Variants in HIVEP3 observed in about 807,000 individuals in gnomAD.
HIVEP3 encodes HIVEP zinc finger 3, also known as transcription factor HIVEP3.
HIVEP3 carries 49 observed loss-of-function variants against 152.8 expected under a neutral mutation model. The ratio of observed to expected loss-of-function variants is 0.32; its 90% CI spans 0.26 to 0.41. The LOEUF (loss-of-function observed/expected upper bound fraction) is 0.41, where lower values mean the gene tolerates loss of function less well. HIVEP3 is among the 10% of genes least tolerant of loss of function. HIVEP3 has a pLI of 1.00. For missense variants in HIVEP3, 2,790 were observed against 3,103.3 expected (o/e 0.90, Z 2.40); for synonymous variants, 1,269 against 1,289.0 (o/e 0.98, Z 0.33).
chr1:41,881,236 C>T (rs916602876), intron 1 of HIVEP3, among the ~76,000 whole-genome samples: 4 of 152,178 alleles, frequency 2.6e-5, no homozygotes, highest in African/African-American at 9.7e-5. Context: ...TACTTTTGTG[C>T]TGACTGCTTT....
intron 1 of HIVEP3, chr1:41,847,241 G>A (rs1643468376): frequency 6.6e-6 from 1 of 152,170 alleles, no homozygotes; most frequent in Non-Finnish European, 1.5e-5. Context: ...AGAAAAGTTG[G>A]AAACAACCTA....
intron 1 of HIVEP3, among the ~76,000 whole-genome samples, chr1:41,871,268 C>A (rs1489426875): frequency 6.6e-6 from 1 of 152,220 alleles, no homozygotes; most frequent in Admixed American, 6.5e-5. Flanking sequence ...CCAGGTCAAA[C>A]AAACCCTCAA....
Position 41,628,379 on chromosome 1 carries a change from A to G in HIVEP3, c.-522+370T>C, listed in dbSNP as rs375959791. Among the ~76,000 whole-genome samples the G allele has an allele frequency of 2.2e-3, 335 of 152,310 alleles. 12 individuals are homozygous for G. The South Asian group carries it at 0.05, about 23-fold the overall frequency. On this transcript the variant is annotated intron_variant, in intron 3 of 8. Transcript: ENST00000372583. ...AGGAGAAGAGGGTAGACCTCTGGCTATCAGGAGCACACAGTTGGACTGGCT... is the reference window on the plus strand; with the variant it reads ...AGGAGAAGAGGGTAGACCTCTGGCTGTCAGGAGCACACAGTTGGACTGGCT...
chr1:41,708,851 C>T (rs1223714317), intron 1 of HIVEP3, among the ~76,000 whole-genome samples: 2 of 152,192 alleles, frequency 1.3e-5, no homozygotes, highest in African/African-American at 4.8e-5. Context: ...TGTCATCCCC[C>T]ATGTCTTCTC....
chr1:41,684,069 A>G (rs1646080073), intron 2 of HIVEP3, among the ~76,000 whole-genome samples: 1 of 152,206 alleles, frequency 6.6e-6, no homozygotes, highest in Non-Finnish European at 1.5e-5. Context: ...CTTGAGATCA[A>G]GTCTGCTCTT....
At chr1:41,995,607 C>T (rs950798561) in intron 1 of HIVEP3, among the ~76,000 whole-genome samples, 6 of 152,040 alleles carry the variant, frequency 3.9e-5, no homozygotes, top group Non-Finnish European at 8.8e-5. Flanking sequence ...TCTAAATTAA[C>T]ACTATTTGCA....
chr1:41,612,828 C>T (rs1052250965), intron 3 of HIVEP3, among the ~76,000 whole-genome samples: 2 of 152,230 alleles, frequency 1.3e-5, no homozygotes, highest in African/African-American at 2.4e-5. Context: ...CTGTCCCCTC[C>T]CTTCATCTTT....
At chr1:41,548,113 C>T (rs1643848442) in intron 5 of HIVEP3, among the ~76,000 whole-genome samples, 1 of 152,198 alleles carries the variant, frequency 6.6e-6, no homozygotes, top group Non-Finnish European at 1.5e-5. Context: ...CTTTCTGAGC[C>T]TTCTGTGACC....
chr1:41,685,216 T>C (rs140787328), intron 2 of HIVEP3, among the ~76,000 whole-genome samples: 1 of 152,300 alleles, frequency 6.6e-6, no homozygotes, highest in East Asian at 1.9e-4. Flanking sequence ...AAGGTGCTAC[T>C]CCCCCAAACA....
chr1:41,699,086 G>A (rs904695640), intron 2 of HIVEP3, among the ~76,000 whole-genome samples: 1 of 152,202 alleles, frequency 6.6e-6, no homozygotes, highest in Non-Finnish European at 1.5e-5. Flanking sequence ...GTGGCTCTAG[G>A]CCAGCCCTGC....
chr1:41,558,106 G>A (rs1352742791), intron 5 of HIVEP3, among the ~76,000 whole-genome samples: 1 of 152,200 alleles, frequency 6.6e-6, no homozygotes, highest in Non-Finnish European at 1.5e-5. Flanking sequence ...TCTTTCCTGG[G>A]CCCCCATTTC....
intron 1 of HIVEP3, among the ~76,000 whole-genome samples, chr1:41,792,932 A>C (rs1402333659): frequency 6.6e-6 from 1 of 152,196 alleles, no homozygotes; most frequent in Non-Finnish European, 1.5e-5. Flanking sequence ...CTTCAAGGGC[A>C]ATGGGATGAA....
At chr1:42,014,271 A>T (rs1170324337) in intron 1 of HIVEP3, among the ~76,000 whole-genome samples, 1 of 152,110 alleles carries the variant, frequency 6.6e-6, no homozygotes, top group Non-Finnish European at 1.5e-5. Context: ...ATACAGCTGC[A>T]TTTAAGCAAG....
chr1:41,921,914 A>G (rs1010687523), upstream of HIVEP3, among the ~76,000 whole-genome samples: 4 of 151,150 alleles, frequency 2.6e-5, no homozygotes, highest in East Asian at 1.9e-4. Context: ...AAAAGTGCGC[A>G]CACACACACA....
intron 1 of HIVEP3, among the ~76,000 whole-genome samples, chr1:41,973,346 C>T (rs2124505434): frequency 6.6e-6 from 1 of 152,318 alleles, no homozygotes; most frequent in South Asian, 2.1e-4. Context: ...CTCACAAGGC[C>T]TTACCCAAGA....
At chr1:41,888,898 C>A (rs1412152714) in intron 1 of HIVEP3, among the ~76,000 whole-genome samples, 1 of 147,304 alleles carries the variant, frequency 6.8e-6, no homozygotes, top group Non-Finnish European at 1.5e-5. Context: ...ATACCCCACA[C>A]ACGTACACCA....
intron 1 of HIVEP3, among the ~76,000 whole-genome samples, chr1:41,750,703 C>CT (rs11403164): frequency 0.82 from 119,870 of 146,138 alleles, 52,970 homozygotes; most frequent in Non-Finnish European, 0.99. Flanking sequence ...GCCCAGTGCA[C>CT]TTTTTTTTTT....
intron 1 of HIVEP3, among the ~76,000 whole-genome samples, chr1:41,757,826 G>T (rs1467421476): frequency 6.6e-6 from 1 of 151,886 alleles, no homozygotes; most frequent in East Asian, 1.9e-4. Context: ...CTAACCTCCT[G>T]CCTCAGCTTC....
At chr1:41,827,180 T>C (rs974059018) in intron 1 of HIVEP3, among the ~76,000 whole-genome samples, 1 of 152,210 alleles carries the variant, frequency 6.6e-6, no homozygotes. Context: ...GTAAGCGACA[T>C]GAACCTGGCC....
Sources: gnomAD v4.1 joint callset for allele counts (sites outside exome capture counted in the v4.1 genomes callset) on GRCh38, gnomAD v4.1.1 for gene constraint, MANE v1.5 for transcripts, NCBI Gene and HGNC (gene_info 2026-07-23, HGNC 2026-07-21) for gene names.